ASIP: variants seen among roughly 807,000 people sequenced by gnomAD.
ASIP encodes the protein agouti signaling protein, also known as agouti-signaling protein.
Under a neutral mutation model 10.3 loss-of-function variants are expected in ASIP, and 11 were observed. That is an observed-to-expected ratio of 1.07 (90% CI 0.68 to 1.78). The LOEUF is 1.78. Among genes scored for constraint, ASIP ranks in the 40% most tolerant of loss-of-function variants. The pLI is 0.00. For missense variants in ASIP, 180 were observed against 169.2 expected (o/e 1.06, Z -0.35); for synonymous variants, 70 against 70.8 (o/e 0.99, Z 0.06).
At chr20:34,268,480 T>G (rs910684344) in intron 3 of ASIP, among the ~76,000 whole-genome samples, 1 of 152,030 alleles carries the variant, frequency 6.6e-6, no homozygotes, top group Non-Finnish European at 1.5e-5. Flanking sequence ...CCCAGCACTT[T>G]GGGAGGCCGA....
the ASIP span, among the ~76,000 whole-genome samples, chr20:34,186,689 A>T: frequency 6.6e-6 from 1 of 152,182 alleles, no homozygotes; most frequent in Non-Finnish European, 1.5e-5. Flanking sequence ...TAATGAGGCC[A>T]GTTCTCATTT....
In ASIP at chr20:34,196,364, G is replaced by A. The variant is rs375249329; in HGVS notation, c.-11+1604G>A. Among the ~76,000 whole-genome samples the A allele has an allele frequency of 2.4e-3, 359 of 151,680 alleles. 1 individual carries two copies. The highest frequency in any genetic ancestry group is 8.4e-3 in the African/African-American group (346 of 41,364). ...AATTTTTTGTATTTTTAGTAGAGAC[G>A]GGGTTTCACTGTGTTAGCCAGGATG... On this transcript the variant is annotated intron_variant, in intron 1 of 3. Transcript: ENST00000568305.
exon 1 of ASIP, chr20:34,194,578 C>G (rs1326801222): frequency 6.6e-6 from 1 of 151,558 alleles, no homozygotes; most frequent in Non-Finnish European, 1.5e-5. Context: ...CGACTCAGCC[C>G]GCTGAACGCC....
At chr20:34,260,289 A>T in intron 1 of ASIP, 76 bp from the exon 2 acceptor site, 1 of 1,446,638 alleles carries the variant, frequency 6.9e-7, no homozygotes, top group Middle Eastern at 2.4e-4. Flanking sequence ...AGCCCAAAGA[A>T]GCACAAAGAA....
chr20:34,213,879 A>C, intron 1 of ASIP: 2 of 1,565,086 alleles, frequency 1.3e-6, no homozygotes, highest in Non-Finnish European at 1.8e-6. Flanking sequence ...TGAAAGCTTT[A>C]CTAGTTCGAC....
intron 3 of ASIP, 78 bp from the exon 4 acceptor site, chr20:34,268,913 C>A: frequency 6.6e-7 from 1 of 1,515,540 alleles, no homozygotes; most frequent in South Asian, 1.2e-5. Context: ...CTCCCTAGCC[C>A]GAGGAGCTCC....
upstream of ASIP, among the ~76,000 whole-genome samples, chr20:34,237,810 G>A (rs2035229982): frequency 6.6e-6 from 1 of 152,044 alleles, no homozygotes; most frequent in Admixed American, 6.5e-5. Flanking sequence ...CTTTTATTAT[G>A]TTGAAGCAGT....
chr20:34,188,190 TA>T, the ASIP span, among the ~76,000 whole-genome samples: 1 of 152,230 alleles, frequency 6.6e-6, no homozygotes, highest in African/African-American at 2.4e-5. Context: ...AAAACGAAAT[TA>T]TACGCAAGAT....
intron 1 of ASIP, among the ~76,000 whole-genome samples, chr20:34,210,442 G>A (rs2034967174): frequency 6.6e-6 from 1 of 152,234 alleles, no homozygotes; most frequent in African/African-American, 2.4e-5. Context: ...ACCCACGTCA[G>A]CACCTGGAGC....
At position 34,235,786 on chromosome 20, in the gene ASIP, G is replaced by GAAGAAAGA. The variant is rs572242709; in HGVS notation, c.-10-24529_-10-24522dup. ...TGTGACAGAGTGAGACTCTGAGAAA[G>GAAGAAAGA]AAGAAAGAAAGAAAGAAAGAAAGAA... On this transcript the variant is annotated intron_variant, in intron 1 of 3. Transcript: ENST00000568305. 8.4e-3 allele frequency among the ~76,000 whole-genome samples: 516 copies of GAAGAAAGA among 61,374 alleles called. 23 individuals are homozygous for GAAGAAAGA. Among genetic ancestry groups the GAAGAAAGA allele is most frequent in the Non-Finnish European group, 0.011 (324 of 29,712 alleles). The allele number at this position is 61,374 out of a possible 152,430, so 40.3% of individuals were successfully genotyped here.
chr20:34,237,125 T>C (rs901564579), upstream of ASIP, among the ~76,000 whole-genome samples: 3 of 152,342 alleles, frequency 2.0e-5, no homozygotes, highest in African/African-American at 7.2e-5. Flanking sequence ...ACTGTTTTGA[T>C]TACTGTGGCT....
At chr20:34,266,183 C>T (rs985286136) in intron 3 of ASIP, among the ~76,000 whole-genome samples, 32 of 151,814 alleles carry the variant, frequency 2.1e-4, no homozygotes, top group Admixed American at 1.7e-3. Context: ...GAAACCCCGT[C>T]TCTACTAAAA....
chr20:34,215,548 T>C, intron 1 of ASIP: 1 of 1,509,972 alleles, frequency 6.6e-7, no homozygotes, highest in South Asian at 1.1e-5. Flanking sequence ...TGAGATATTC[T>C]GCAACAAAAA....
At chr20:34,235,873 GGAA>G in intron 1 of ASIP, among the ~76,000 whole-genome samples, 1 of 81,004 alleles carries the variant, frequency 1.2e-5, no homozygotes, top group African/African-American at 6.4e-5. Flanking sequence ...AGGAAAGGAA[GGAA>G]GGAAGGAAGG....
intron 1 of ASIP, among the ~76,000 whole-genome samples, chr20:34,201,048 C>CTTTCTT (rs2034895267): frequency 9.3e-6 from 1 of 107,364 alleles, no homozygotes; most frequent in Admixed American, 1.1e-4. Flanking sequence ...TTCTTTCTTT[C>CTTTCTT]TTTCTTTCTT....
intron 1 of ASIP, among the ~76,000 whole-genome samples, chr20:34,248,782 A>G (rs898642685): frequency 3.9e-5 from 6 of 152,132 alleles, no homozygotes; most frequent in African/African-American, 1.4e-4. Context: ...CCTGGGTGAC[A>G]GAGCAAGGCC....
At chr20:34,222,491 G>A (rs1374544658) in intron 1 of ASIP, among the ~76,000 whole-genome samples, 1 of 152,148 alleles carries the variant, frequency 6.6e-6, no homozygotes, top group Non-Finnish European at 1.5e-5. Flanking sequence ...TGTCGTTGTA[G>A]AAGCCTAACA....
At chr20:34,213,800 G>C in intron 1 of ASIP, 1 of 1,508,656 alleles carries the variant, frequency 6.6e-7, no homozygotes, top group Non-Finnish European at 9.2e-7. Flanking sequence ...CTGAGGGCCA[G>C]CAAGAATGTC....
intron 1 of ASIP, among the ~76,000 whole-genome samples, chr20:34,212,413 A>G (rs968889797): frequency 6.6e-6 from 1 of 152,220 alleles, no homozygotes; most frequent in Admixed American, 6.5e-5. Flanking sequence ...TAAATTTCAT[A>G]CATATACATT....
Sources: allele counts gnomAD v4.1 joint callset (sites outside exome capture counted in the v4.1 genomes callset), GRCh38; gene constraint gnomAD v4.1.1; transcripts MANE v1.5; gene names NCBI Gene and HGNC (gene_info 2026-07-23, HGNC 2026-07-21).